The following FAM174B variants were observed in gnomAD, a reference collection of about 807,000 sequenced individuals.
FAM174B encodes family with sequence similarity 174 member B, also known as membrane protein FAM174B.
FAM174B carries 12 observed loss-of-function variants against 10.9 expected under a neutral mutation model. The observed-to-expected ratio is 1.10, with a 90% CI of 0.71 to 1.79. The LOEUF (loss-of-function observed/expected upper bound fraction) is 1.79. Ranked by LOEUF, FAM174B falls within the 40% of genes most tolerant of loss-of-function variation. The pLI is 0.00. For missense variants in FAM174B, 266 were observed against 233.3 expected, an observed-to-expected ratio of 1.14 and a Z score of -0.91; for synonymous variants, 132 against 115.8, an observed-to-expected ratio of 1.14 and a Z score of -0.90.
chr15:92,630,224 T>C lies in FAM174B; in HGVS notation c.466A>G (p.Ile156Val). Reference sequence around the variant, plus strand: ...GTCTCCACCCTGTACCTGTATTTGATGTCGAATACTGTGGAGTCCTCATCT... The same window carrying C: ...GTCTCCACCCTGTACCTGTATTTGACGTCGAATACTGTGGAGTCCTCATCT... ...DEDEDSTVFD[I>V]KYR The change falls in exon 2 of 3, where the codon ATC becomes GTC. Residue 156 changes from isoleucine (I) to valine (V), a missense_variant. Coordinates refer to ENST00000327355, the MANE Select transcript of FAM174B (RefSeq NM_207446.3). The C allele has an allele frequency of 6.2e-7, 1 of 1,613,714 alleles. No homozygotes were observed. The highest frequency in any genetic ancestry group is 8.5e-7 in the Non-Finnish European group (1 of 1,179,750).
rs187773033 is a variant in FAM174B at position 92,618,663 on chromosome 15, A to C, written c.*793T>G. ...AAGCACAAAGAATGTTGCTAATCAC[A>C]GGCTGCCTAGCACTTTCCTTTCCCT... On this transcript the variant is annotated 3_prime_UTR_variant, in exon 3 of 3. Transcript: ENST00000327355. The C allele has an allele frequency of 6.5e-6, 1 of 153,386 alleles. No individual in the cohort carries two copies. The highest frequency in any genetic ancestry group is 1.9e-4 in the East Asian group (1 of 5,200). 9.5% of individuals were successfully genotyped at this position (153,386 alleles called of 1,614,324 possible).
intron 2 of FAM174B, among the ~76,000 whole-genome samples, chr15:92,627,935 C>G (rs1317840948): frequency 1.3e-5 from 2 of 152,138 alleles, no homozygotes; most frequent in Admixed American, 6.5e-5. Context: ...CACGGACATC[C>G]CTTGGTATCC....
chr15:92,651,339 C>T (rs763011677), intron 1 of FAM174B, among the ~76,000 whole-genome samples: 37 of 152,070 alleles, frequency 2.4e-4, no homozygotes, highest in Non-Finnish European at 4.4e-4. Context: ...TCCAAGAATG[C>T]GGCCAGGAGC....
At chr15:92,629,377 C>A (rs2050775487) in intron 2 of FAM174B, among the ~76,000 whole-genome samples, 1 of 152,206 alleles carries the variant, frequency 6.6e-6, no homozygotes, top group Non-Finnish European at 1.5e-5. Context: ...TTCTGACTTT[C>A]CTAGAGAAAG....
At chr15:92,649,404 T>C (rs1048770959) in intron 1 of FAM174B, among the ~76,000 whole-genome samples, 11 of 152,238 alleles carry the variant, frequency 7.2e-5, no homozygotes, top group African/African-American at 2.7e-4. Context: ...CAGAAACAGA[T>C]GCACCTGCCT....
intron 1 of FAM174B, among the ~76,000 whole-genome samples, chr15:92,653,785 C>T (rs1028341990): frequency 5.9e-5 from 9 of 152,238 alleles, no homozygotes; most frequent in African/African-American, 2.2e-4. Context: ...AGGCTAGAAG[C>T]GGGAAACCAC....
intron 1 of FAM174B, among the ~76,000 whole-genome samples, chr15:92,642,907 A>T (rs1381421116): frequency 6.6e-6 from 1 of 152,226 alleles, no homozygotes; most frequent in Non-Finnish European, 1.5e-5. Context: ...CACTGTACTA[A>T]ATAAAATAAG....
rs1423071979 is a variant in FAM174B at position 92,655,543 on chromosome 15, G to T, written c.117C>A (p.Pro39=). Residue 39 remains proline (P), a synonymous_variant, in exon 1 of 3, where the codon CCC becomes CCA. Coordinates refer to ENST00000327355, the MANE Select transcript of FAM174B (RefSeq NM_207446.3). ...CGGGCGGTGGCCGCGACTCGCGCTC[G>T]GGTTCGGGCCACGGCGCGGAGACGG... ...AESVSAPWPE[P]ERESRPPPGP... is the part of the protein sequence containing the mutation. 6 of 1,425,480 alleles carry T rather than the reference G, an allele frequency of 4.2e-6. No homozygotes were observed. The highest frequency in any genetic ancestry group is 9.2e-7 in the Non-Finnish European group (1 of 1,091,584). 88.3% of individuals were successfully genotyped at this position (1,425,480 alleles called of 1,614,324 possible).
intron 1 of FAM174B, among the ~76,000 whole-genome samples, chr15:92,636,343 T>C (rs2050856144): frequency 1.3e-5 from 2 of 152,192 alleles, no homozygotes; most frequent in South Asian, 4.2e-4. Context: ...TCCCTAAAAG[T>C]TTAACTTTTC....
At chr15:92,643,613 G>A (rs1476406664) in intron 1 of FAM174B, among the ~76,000 whole-genome samples, 1 of 152,096 alleles carries the variant, frequency 6.6e-6, no homozygotes. Flanking sequence ...ATTTTGAAAT[G>A]GAGTAAGTCT....
At chr15:92,651,909 G>A (rs1402509707) in intron 1 of FAM174B, among the ~76,000 whole-genome samples, 1 of 152,054 alleles carries the variant, frequency 6.6e-6, no homozygotes, top group Non-Finnish European at 1.5e-5. Flanking sequence ...ATTTTTTTCT[G>A]TTGTCTGGTA....
At position 92,655,556 on chromosome 15, in the gene FAM174B, G is replaced by A; in HGVS notation, c.104C>T (p.Pro35Leu). Residue 35 changes from proline (P) to leucine (L), a missense_variant, in exon 1 of 3, where the codon CCG becomes CTG. Pro to Leu is a moderately conservative substitution (Grantham distance 98). Coordinates refer to ENST00000327355, the MANE Select transcript of FAM174B (RefSeq NM_207446.3). ...RASRAESVSA[P>L]WPEPERESRP... The stretch of plus-strand genomic sequence containing the variant: ...CGACTCGCGCTCGGGTTCGGGCCAC[G>A]GCGCGGAGACGGACTCGGCTCTGCT... 2.2e-6 allele frequency: 3 copies of A among 1,390,830 alleles called. No homozygotes were observed. Among genetic ancestry groups the A allele is most frequent in the Non-Finnish European group, 9.3e-7 (1 of 1,073,912 alleles). 86.2% of individuals were successfully genotyped at this position (1,390,830 alleles called of 1,614,324 possible). A position where few individuals can be genotyped will look rare whatever the true frequency, so the allele number is the denominator to read the frequency against.
At chr15:92,621,462 A>C (rs754890769) in intron 2 of FAM174B, among the ~76,000 whole-genome samples, 28 of 152,118 alleles carry the variant, frequency 1.8e-4, no homozygotes, top group Non-Finnish European at 4.0e-4. Context: ...AACTACAAAA[A>C]TTAGCTGGAC....
At chr15:92,649,040 C>T (rs545395604) in intron 1 of FAM174B, among the ~76,000 whole-genome samples, 1 of 152,346 alleles carries the variant, frequency 6.6e-6, no homozygotes, top group Admixed American at 6.5e-5. Flanking sequence ...TCTTGACACT[C>T]GCCCTACAGG....
At chr15:92,630,677 A>C (rs1468768232) in intron 1 of FAM174B, among the ~76,000 whole-genome samples, 3 of 142,092 alleles carry the variant, frequency 2.1e-5, no homozygotes, top group African/African-American at 8.4e-5. Context: ...TAATACACAA[A>C]TGCAATATAT....
At chr15:92,641,548 A>G (rs1457836734) in intron 1 of FAM174B, among the ~76,000 whole-genome samples, 1 of 152,224 alleles carries the variant, frequency 6.6e-6, no homozygotes, top group Non-Finnish European at 1.5e-5. Context: ...GCAAGGTAAA[A>G]AGCATAGTGT....
At chr15:92,653,316 T>A (rs1306592968) in intron 1 of FAM174B, 1 of 152,276 alleles carries the variant, frequency 6.6e-6, no homozygotes, top group Non-Finnish European at 1.5e-5. Context: ...TCTGGGTGCA[T>A]GCTGCCTTCT....
At chr15:92,645,963 G>C (rs1191034134) in intron 1 of FAM174B, among the ~76,000 whole-genome samples, 1 of 152,096 alleles carries the variant, frequency 6.6e-6, no homozygotes, top group Non-Finnish European at 1.5e-5. Flanking sequence ...TTTCACCTGT[G>C]AGTCCTCTTC....
chr15:92,631,115 T>C (rs2050796342), intron 1 of FAM174B, among the ~76,000 whole-genome samples: 1 of 55,098 alleles, frequency 1.8e-5, no homozygotes, highest in Admixed American at 3.5e-4. Context: ...ATATTACATA[T>C]TATATTATAT....
Sources: gnomAD v4.1 joint callset for allele counts (sites outside exome capture counted in the v4.1 genomes callset) on GRCh38, gnomAD v4.1.1 for gene constraint, MANE v1.5 for transcripts, NCBI Gene and HGNC (gene_info 2026-07-23, HGNC 2026-07-21) for gene names.